The following NCAM1 variants were observed in gnomAD, a reference collection of about 807,000 sequenced individuals.
NCAM1 encodes the protein antigen recognized by monoclonal antibody 5.1H11.
NCAM1 carries 14 observed loss-of-function variants against 109.8 expected under a neutral mutation model. The observed-to-expected ratio is 0.13, with a 90% CI of 0.08 to 0.20. The LOEUF (loss-of-function observed/expected upper bound fraction) is 0.20. NCAM1 is among the 10% of genes least tolerant of loss of function. The probability of loss-of-function intolerance (pLI) is 1.00; values close to 1 mark genes in which losing one functional copy is unlikely to be tolerated. For synonymous variants in NCAM1, 418 were observed against 442.9 expected (o/e 0.94, Z 0.70); for missense variants, 774 against 1,109.9 (o/e 0.70, Z 4.30).
At chr11:113,107,217 T>G (rs1419768408) in intron 1 of NCAM1, among the ~76,000 whole-genome samples, 3 of 152,186 alleles carry the variant, frequency 2.0e-5, no homozygotes, top group African/African-American at 7.2e-5. Flanking sequence ...GGGTTCTTGT[T>G]CCTGCTCTAC....
Position 113,271,892 on chromosome 11 carries a change from G to A in NCAM1, c.2456+16G>A, listed in dbSNP as rs1016607314. 2.0e-5 allele frequency: 31 copies of A among 1,547,310 alleles called. No homozygotes were observed. Among genetic ancestry groups the A allele is most frequent in the Non-Finnish European group, 2.5e-5 (29 of 1,144,408 alleles). ...CGGAGCCCGAGTACGTGGGCTGGGA[G>A]GGGCTGGCACCTGCTCCGTAGAGAC... On this transcript the variant is annotated intron_variant, in intron 19 of 19. Transcript: ENST00000316851.
chr11:113,097,456 C>T (rs1164498200), intron 1 of NCAM1, among the ~76,000 whole-genome samples: 1 of 152,134 alleles, frequency 6.6e-6, no homozygotes, highest in Admixed American at 6.6e-5. Context: ...TAGAGTCGCT[C>T]ATCTAACATA....
chr11:113,038,606 G>A (rs1286238850), intron 1 of NCAM1, among the ~76,000 whole-genome samples: 1 of 152,200 alleles, frequency 6.6e-6, no homozygotes, highest in Non-Finnish European at 1.5e-5. Context: ...GTACCAATTT[G>A]GTGATGGGTA....
At chr11:113,204,708 G>A (rs577727113) in intron 3 of NCAM1, among the ~76,000 whole-genome samples, 3 of 152,264 alleles carry the variant, frequency 2.0e-5, no homozygotes, top group African/African-American at 4.8e-5. Flanking sequence ...CCCCACAGGC[G>A]TTCATTCTCA....
chr11:113,236,321 T>C (rs1165538563), intron 14 of NCAM1: 4 of 1,613,200 alleles, frequency 2.5e-6, no homozygotes, highest in Non-Finnish European at 3.4e-6. Context: ...TCCACGTAAG[T>C]GCCTCTTCAT....
At chr11:113,159,779 G>A (rs1418062126) in intron 1 of NCAM1, among the ~76,000 whole-genome samples, 2 of 151,238 alleles carry the variant, frequency 1.3e-5, no homozygotes, top group African/African-American at 4.9e-5. Context: ...ATATGTATAC[G>A]TGTGCCATGT....
rs1192390391 is a variant in NCAM1, at chr11:113,229,938, T to TG, written c.1090-1701dup. 2.7e-5 allele frequency among the ~76,000 whole-genome samples: 4 copies of TG among 147,332 alleles called. No homozygotes were observed. In the East Asian group the frequency reaches 8.1e-4, roughly 30 times the overall value. ...TCACACACTGGGGCCTGTTGTGGGG[T>TG]GGGGGGAGCGGGGAGGGATAGCATT... On this transcript the variant is annotated intron_variant, in intron 9 of 19. Transcript: ENST00000316851.
chr11:113,072,958 T>C (rs1938353696), intron 1 of NCAM1, among the ~76,000 whole-genome samples: 1 of 152,072 alleles, frequency 6.6e-6, no homozygotes, highest in Non-Finnish European at 1.5e-5. Context: ...ACCATCCATC[T>C]CCGGAATTCT....
rs557581888 is a variant in NCAM1 at position 113,179,974 on chromosome 11, CTG to C, written c.53-22404_53-22403del. Among the ~76,000 whole-genome samples the C allele has an allele frequency of 1.8e-4, 27 of 152,226 alleles. No homozygotes were observed. In the East Asian group the frequency reaches 5.2e-3, roughly 29 times the overall value. On this transcript the variant is annotated intron_variant, in intron 1 of 19. Coordinates refer to ENST00000316851, the MANE Select transcript of NCAM1 (RefSeq NM_181351.5). ...CTCTATGATTTTGTTAATGTAGAAA[CTG>C]GGGACCCTGAGGTTATATGACTTTC...
chr11:112,985,483 G>A (rs1951275553), intron 1 of NCAM1, among the ~76,000 whole-genome samples: 1 of 151,564 alleles, frequency 6.6e-6, no homozygotes. Context: ...GCATTGAATC[G>A]GTAGCTCCCT....
chr11:113,237,016 C>T (rs797026104), intron 14 of NCAM1, among the ~76,000 whole-genome samples: 12 of 152,294 alleles, frequency 7.9e-5, no homozygotes, highest in African/African-American at 2.9e-4. Context: ...TGCATCTCCT[C>T]GTTTGGGGAA....
At chr11:113,171,075 C>T (rs1489625812) in intron 1 of NCAM1, among the ~76,000 whole-genome samples, 1 of 152,156 alleles carries the variant, frequency 6.6e-6, no homozygotes, top group Non-Finnish European at 1.5e-5. Context: ...TGCTGGTTTC[C>T]TCTGTGTGCC....
chr11:113,136,660 A>G (rs1555099526), intron 1 of NCAM1, among the ~76,000 whole-genome samples: 1 of 152,116 alleles, frequency 6.6e-6, no homozygotes. Flanking sequence ...GTGATCTGTG[A>G]CCCAGGCAGA....
intron 1 of NCAM1, among the ~76,000 whole-genome samples, chr11:113,006,979 T>G (rs1205072456): frequency 6.6e-6 from 1 of 152,234 alleles, no homozygotes; most frequent in African/African-American, 2.4e-5. Context: ...TTAGCCACTA[T>G]GAAAGAAGGC....
At chr11:113,037,858 G>A (rs1555079442) in intron 1 of NCAM1, among the ~76,000 whole-genome samples, 1 of 152,170 alleles carries the variant, frequency 6.6e-6, no homozygotes, top group East Asian at 1.9e-4. Flanking sequence ...GGCTCCATGA[G>A]TGCCAGATAC....
At chr11:113,263,949 G>C in intron 17 of NCAM1, 1 of 985,456 alleles carries the variant, frequency 1.0e-6, no homozygotes, top group Non-Finnish European at 1.2e-6. Flanking sequence ...CTCTGTATTG[G>C]TGCGTTGGTT....
At chr11:113,221,410 GCTAAA>G in intron 9 of NCAM1, 85 bp downstream of exon 9, 1 of 1,370,592 alleles carries the variant, frequency 7.3e-7, no homozygotes. Flanking sequence ...AACCAGACAT[GCTAAA>G]CTAATTAGTA....
At chr11:113,157,240 G>A (rs1219206650) in intron 1 of NCAM1, among the ~76,000 whole-genome samples, 1 of 152,086 alleles carries the variant, frequency 6.6e-6, no homozygotes, top group African/African-American at 2.4e-5. Flanking sequence ...GGGTCCAACA[G>A]AGAAATGAAT....
chr11:113,037,644 C>T (rs1325266036), intron 1 of NCAM1, among the ~76,000 whole-genome samples: 1 of 152,208 alleles, frequency 6.6e-6, no homozygotes, highest in Non-Finnish European at 1.5e-5. Flanking sequence ...AGACTTACAG[C>T]CTTACGGTCA....
Sources: gnomAD v4.1 joint callset for allele counts (sites outside exome capture counted in the v4.1 genomes callset) on GRCh38, gnomAD v4.1.1 for gene constraint, MANE v1.5 for transcripts, NCBI Gene and HGNC (gene_info 2026-07-23, HGNC 2026-07-21) for gene names.